The following ALMS1 variants were observed in gnomAD, a reference collection of about 807,000 sequenced individuals.
ALMS1 encodes the protein ALMS1 centrosome and basal body associated protein.
A neutral mutation model predicts 352.2 loss-of-function variants in ALMS1; 271 were observed. The ratio of observed to expected loss-of-function variants is 0.77; its 90% confidence interval spans 0.70 to 0.85. ALMS1 has a LOEUF of 0.85. ALMS1 is among the 40% of genes least tolerant of loss of function. ALMS1 has a pLI of 0.00. For missense variants in ALMS1, 5,445 were observed against 4,870.7 expected, an observed-to-expected ratio of 1.12 and a Z score of -3.51; for synonymous variants, 1,865 against 1,761.2, an observed-to-expected ratio of 1.06 and a Z score of -1.48.
At chr2:73,471,253 A>G (rs1221421659) in intron 9 of ALMS1, among the ~76,000 whole-genome samples, 3 of 143,932 alleles carry the variant, frequency 2.1e-5, no homozygotes, top group Non-Finnish European at 3.1e-5. Flanking sequence ...TGTATCTTCT[A>G]TAGGTATTTT....
At chr2:73,605,559 C>G (rs1449126442) in intron 21 of ALMS1, among the ~76,000 whole-genome samples, 1 of 152,078 alleles carries the variant, frequency 6.6e-6, no homozygotes, top group Non-Finnish European at 1.5e-5. Flanking sequence ...AAGAAGCTAC[C>G]ACTTGTCAGC....
At chr2:73,413,873 G>A (rs1396067250) in intron 2 of ALMS1, among the ~76,000 whole-genome samples, 1 of 151,976 alleles carries the variant, frequency 6.6e-6, no homozygotes, top group Non-Finnish European at 1.5e-5. Context: ...GTCTATTTCT[G>A]CACACTATTC....
intron 9 of ALMS1, among the ~76,000 whole-genome samples, chr2:73,484,168 TTGA>T (rs1333414488): frequency 6.6e-6 from 1 of 151,854 alleles, no homozygotes; most frequent in Non-Finnish European, 1.5e-5. Context: ...CTTCCTAGTC[TTGA>T]TGGTCTTTAC....
At chr2:73,474,316 A>G (rs985423992) in intron 9 of ALMS1, among the ~76,000 whole-genome samples, 3 of 151,574 alleles carry the variant, frequency 2.0e-5, no homozygotes, top group Non-Finnish European at 1.5e-5. Context: ...TCACATGGTA[A>G]TACGTTTCTT....
In ALMS1 at chr2:73,490,414, G is replaced by A. The variant is rs750482206; in HGVS notation, c.8455G>A (p.Gly2819Ser). Residue 2819 changes from glycine to serine, a missense_variant, in exon 10 of 23, where the codon GGC (glycine) becomes AGC (serine). Transcript: ENST00000613296. Reference sequence around the variant, plus strand: ...ACCCTTAGAAAGATCAGATTTTACAGGCAGTCATTCTGAGCCCAGTACCAG... The same window carrying A: ...ACCCTTAGAAAGATCAGATTTTACAAGCAGTCATTCTGAGCCCAGTACCAG... ...EKPLERSDFT[G>S]SHSEPSTRAN... 3.1e-6 allele frequency: 5 copies of A among 1,614,134 alleles called. No individual in the cohort carries two copies. The highest frequency in any genetic ancestry group is 2.2e-5 in the East Asian group (1 of 44,884).
intron 7 of ALMS1, among the ~76,000 whole-genome samples, chr2:73,444,329 G>C (rs980227527): frequency 6.6e-6 from 1 of 152,128 alleles, no homozygotes; most frequent in African/African-American, 2.4e-5. Context: ...ACTATGACCA[G>C]GTTATAACTT....
Position 73,450,539 on chromosome 2 carries a change from G to C in ALMS1, c.4012G>C (p.Glu1338Gln), listed in dbSNP as rs1671910873. 5.6e-6 allele frequency: 9 copies of C among 1,612,064 alleles called. No homozygotes were observed. Among genetic ancestry groups the C allele is most frequent in the East Asian group, 2.2e-5 (1 of 44,816 alleles). ...ACCCTCTACTTTCTACTCACACACA[G>C]AGAAGCCTGGTGTTTTCTACCAACA... ...ILPSTFYSHT[E>Q]KPGVFYQQVL... Residue 1338 changes from glutamate (E) to glutamine (Q), a missense_variant, in exon 8 of 23, where the codon GAG (glutamate) becomes CAG (glutamine). Physicochemically the swap from Glu to Gln is conservative, Grantham distance 29. Transcript: ENST00000613296.
At chr2:73,461,362 T>C (rs962202626) in intron 9 of ALMS1, among the ~76,000 whole-genome samples, 1 of 152,178 alleles carries the variant, frequency 6.6e-6, no homozygotes, top group Admixed American at 6.5e-5. Context: ...AGTGGACCTC[T>C]AGCAAACTCC....
intron 9 of ALMS1, among the ~76,000 whole-genome samples, chr2:73,484,971 T>G (rs1412572065): frequency 5.9e-5 from 9 of 152,148 alleles, no homozygotes; most frequent in Non-Finnish European, 8.8e-5. Flanking sequence ...TAGTTACACA[T>G]TCTTCTAAAT....
intron 2 of ALMS1, among the ~76,000 whole-genome samples, chr2:73,413,246 C>T (rs2103686898): frequency 1.3e-5 from 2 of 152,000 alleles, no homozygotes; most frequent in South Asian, 4.2e-4. Flanking sequence ...GTTTCTTTTG[C>T]AGAGACAGTC....
In ALMS1 at chr2:73,563,748, A is replaced by AAAAAAT. The variant is rs1240876265; in HGVS notation, c.10384+4607_10384+4612dup. On this transcript the variant is annotated intron_variant, in intron 15 of 22. Coordinates refer to ENST00000613296, the MANE Select transcript of ALMS1 (RefSeq NM_001378454.1). ...AAAAAAAAAAAAAAAAAATAAAAAT[A>AAAAAAT]AAAAATGAAGGTATGGAATTATATG... Among the ~76,000 whole-genome samples, 21 of 60,290 alleles carry AAAAAAT rather than the reference A, an allele frequency of 3.5e-4. No homozygotes were observed. In the African/African-American group the frequency reaches 3.9e-3, roughly 11 times the overall value. The allele number at this position is 60,290 out of a possible 152,430, so 39.6% of individuals were successfully genotyped here. A position where few individuals can be genotyped will look rare whatever the true frequency, so the allele number is the denominator to read the frequency against.
In ALMS1 at chr2:73,388,140, A is replaced by G. The variant is rs557638158; in HGVS notation, c.324+1948A>G. Reference sequence around the variant, plus strand: ...AGATTTCAAGTTGTAAGTCATTTACATAGAGACCATAATTAAAGCCACACT... The same window carrying G: ...AGATTTCAAGTTGTAAGTCATTTACGTAGAGACCATAATTAAAGCCACACT... On this transcript the variant is annotated intron_variant, in intron 1 of 22. Transcript: ENST00000613296. Among the ~76,000 whole-genome samples the G allele has an allele frequency of 2.0e-5, 3 of 152,348 alleles. No individual in the cohort carries two copies. In the South Asian group the frequency reaches 6.2e-4, roughly 32 times the overall value.
rs1177544487 is a variant in ALMS1, at chr2:73,449,159, A to T, written c.2632A>T (p.Ser878Cys). 2 of 1,614,004 alleles carry T rather than the reference A, an allele frequency of 1.2e-6. No homozygotes were observed. Among genetic ancestry groups the T allele is most frequent in the Non-Finnish European group, 1.7e-6 (2 of 1,179,972 alleles). ...SAFYQQTLPN[S>C]HLTEEALKVS... The stretch of plus-strand genomic sequence containing the variant: ...TTTCTATCAGCAGACCTTACCCAAT[A>T]GTCATCTAACTGAAGAGGCTCTGAA... The change falls in exon 8 of 23, where the codon AGT (serine) becomes TGT (cysteine). Residue 878 changes from serine (S) to cysteine (C), a missense_variant. Coordinates refer to ENST00000613296, the MANE Select transcript of ALMS1 (RefSeq NM_001378454.1).
chr2:73,557,968 C>CT (rs1054240295), intron 14 of ALMS1, among the ~76,000 whole-genome samples: 57 of 152,328 alleles, frequency 3.7e-4, no homozygotes, highest in African/African-American at 1.3e-3. Flanking sequence ...TCTTGTTACT[C>CT]TAACATTTTT....
At chr2:73,513,421 A>T (rs746994654) in intron 10 of ALMS1, among the ~76,000 whole-genome samples, 5 of 152,114 alleles carry the variant, frequency 3.3e-5, no homozygotes, top group Non-Finnish European at 7.3e-5. Flanking sequence ...CTCTACTTGG[A>T]TGCCCTCATC....
chr2:73,577,043 A>G (rs558171760), intron 16 of ALMS1, among the ~76,000 whole-genome samples: 64 of 152,252 alleles, frequency 4.2e-4, no homozygotes, highest in Non-Finnish European at 7.6e-4. Context: ...ATGCTGCTGG[A>G]TTCAGTTTAT....
At position 73,393,518 on chromosome 2, in the gene ALMS1, G is replaced by A. The variant is rs530907556; in HGVS notation, c.324+7326G>A. 7.9e-5 allele frequency among the ~76,000 whole-genome samples: 12 copies of A among 152,028 alleles called. No individual in the cohort carries two copies. The Middle Eastern group carries it at 0.01, about 129-fold the overall frequency. ...TGTATCCATCACTGGAGTAGCCTAC[G>A]TTGTACTCATTAAGTAATTTCTCTT... On this transcript the variant is annotated intron_variant, in intron 1 of 22. Transcript: ENST00000613296.
chr2:73,558,929 G>A (rs977647730), intron 14 of ALMS1, 43 bp from the exon 15 acceptor site: 7 of 1,604,754 alleles, frequency 4.4e-6, no homozygotes, highest in African/African-American at 1.3e-5. Flanking sequence ...AATCTTTTAT[G>A]TCAAGTTCCT....
intron 12 of ALMS1, among the ~76,000 whole-genome samples, chr2:73,540,186 C>A (rs1674140687): frequency 6.6e-6 from 1 of 151,760 alleles, no homozygotes; most frequent in African/African-American, 2.4e-5. Context: ...GCAGAAACTC[C>A]AATCCAGAAG....
Sources: gnomAD v4.1 joint callset for allele counts (sites outside exome capture counted in the v4.1 genomes callset) on GRCh38, gnomAD v4.1.1 for gene constraint, MANE v1.5 for transcripts, NCBI Gene and HGNC (gene_info 2026-07-23, HGNC 2026-07-21) for gene names.